VAX1: variants seen among roughly 807,000 people sequenced by gnomAD.
VAX1 encodes ventral anterior homeobox 1.
Under a neutral mutation model 17.6 loss-of-function variants are expected in VAX1, and 6 were observed. The ratio of observed to expected loss-of-function variants is 0.34; its 90% CI spans 0.19 to 0.67. VAX1 has a LOEUF of 0.67. Among genes scored for constraint, VAX1 ranks in the 30% least tolerant of loss-of-function variants. VAX1 has a pLI of 0.69. For missense variants in VAX1, 408 were observed against 463.7 expected (o/e 0.88, Z 1.10); for synonymous variants, 256 against 227.4 (o/e 1.13, Z -1.13).
At chr10:117,135,897 G>A in intron 2 of VAX1, among the ~76,000 whole-genome samples, 1 of 152,250 alleles carries the variant, frequency 6.6e-6, no homozygotes, top group East Asian at 1.9e-4. Context: ...TCAGGGCTGG[G>A]GCCAGCTCAG....
At chr10:117,133,213 G>A (rs755163333), downstream of VAX1, 25 of 916,172 alleles carry the variant, frequency 2.7e-5, no homozygotes, top group Non-Finnish European at 3.1e-5. Context: ...GCCCTGTGGG[G>A]CATTCTGTAT....
Position 117,136,418 on chromosome 10 carries a change from G to C in VAX1, c.429+54C>G. On this transcript the variant is annotated intron_variant, in intron 2 of 2. Transcript: ENST00000369206. The surrounding 1 kb of genome is among the most constrained non-coding windows in gnomAD (Gnocchi z 5.0). ...GGAGGTGAAGAGCAGGCTAGGTAGG[G>C]GTGGTGGGGAGGAAGGCTGGTGCAG... The C allele has an allele frequency of 1.2e-6, 2 of 1,603,084 alleles. No homozygotes were observed. The highest frequency in any genetic ancestry group is 3.4e-5 in the Admixed American group (2 of 59,632).
At chr10:117,132,231 C>T (rs1442958998), downstream of VAX1, 1 of 1,614,008 alleles carries the variant, frequency 6.2e-7, no homozygotes, top group Non-Finnish European at 8.5e-7. The surrounding 1 kb of genome is among the most constrained non-coding windows in gnomAD (Gnocchi z 4.9). Flanking sequence ...CCACCCTCTG[C>T]CCCCGGAGTC....
intron 2 of VAX1, among the ~76,000 whole-genome samples, chr10:117,135,080 T>C (rs1372617854): frequency 1.3e-5 from 2 of 152,166 alleles, no homozygotes; most frequent in Non-Finnish European, 2.9e-5. Context: ...CCAGCCTTTC[T>C]GGACCCAGGC....
chr10:117,130,817 C>T (rs1745225855), downstream of VAX1: 1 of 152,460 alleles, frequency 6.6e-6, no homozygotes, highest in Non-Finnish European at 1.5e-5. Flanking sequence ...CTTCCCAAAG[C>T]CAGGGAGGGA....
Position 117,136,563 on chromosome 10 carries a change from T to C in VAX1, c.338A>G (p.Tyr113Cys). 1 of 1,613,848 alleles carries C rather than the reference T, an allele frequency of 6.2e-7. No individual in the cohort carries two copies. Among genetic ancestry groups the C allele is most frequent in the Non-Finnish European group, 8.5e-7 (1 of 1,180,034 alleles). Reference sequence around the variant, plus strand: ...GCGCTGGAACTCCATCTCCAGCCGATAGAGCTGCTCCGCGGTGAAGGACGT... The same window carrying C: ...GCGCTGGAACTCCATCTCCAGCCGACAGAGCTGCTCCGCGGTGAAGGACGT... ...TRTSFTAEQL[Y>C]RLEMEFQRCQ... Residue 113 changes from tyrosine to cysteine, a missense_variant, in exon 2 of 3, where the codon TAT (tyrosine) becomes TGT (cysteine). Tyr to Cys is a radical substitution (Grantham distance 194, BLOSUM62 -2). This residue lies in a region of VAX1 where 75 missense variants were observed against 116.1 expected (regional missense o/e 0.65). Coordinates refer to ENST00000369206, the MANE Select transcript of VAX1 (RefSeq NM_001112704.2). This position sits in a 1 kb window ranked among gnomAD's most constrained non-coding sequence, Gnocchi z 5.0.
At chr10:117,132,273 T>C, downstream of VAX1, 1 of 1,613,986 alleles carries the variant, frequency 6.2e-7, no homozygotes. This position sits in a 1 kb window ranked among gnomAD's most constrained non-coding sequence, Gnocchi z 4.9. Flanking sequence ...TGCTGGCTCT[T>C]TCTTCCTTTT....
In VAX1 at chr10:117,134,663, C is replaced by T. The variant is rs1716276878; in HGVS notation, c.430-80G>A. 3.7e-6 allele frequency: 5 copies of T among 1,360,786 alleles called. No individual in the cohort carries two copies. Among genetic ancestry groups the T allele is most frequent in the Non-Finnish European group, 3.9e-6 (4 of 1,035,824 alleles). The allele number at this position is 1,360,786 out of a possible 1,614,324, so 84.3% of individuals were successfully genotyped here. A position where few individuals can be genotyped will look rare whatever the true frequency, so the allele number is the denominator to read the frequency against. On this transcript the variant is annotated intron_variant, in intron 2 of 2. Coordinates refer to ENST00000369206, the MANE Select transcript of VAX1 (RefSeq NM_001112704.2). This position sits in a 1 kb window ranked among gnomAD's most constrained non-coding sequence, Gnocchi z 6.2. ...AAAGGAAGCGAGCTCCCGGGGCGCG[C>T]GGCTCCGGGGCTCTCCCCAAGTCCC...
rs947924165 is a variant in VAX1 at position 117,136,761 on chromosome 10, TG to T, written c.242-103del. 3.5e-6 allele frequency: 5 copies of T among 1,413,840 alleles called. No homozygotes were observed. The highest frequency in any genetic ancestry group is 1.4e-5 in the South Asian group (1 of 69,402). The allele number at this position is 1,413,840 out of a possible 1,614,324, so 87.6% of individuals were successfully genotyped here. A position where few individuals can be genotyped will look rare whatever the true frequency, so the allele number is the denominator to read the frequency against. On this transcript the variant is annotated intron_variant, in intron 1 of 2. Coordinates refer to ENST00000369206, the MANE Select transcript of VAX1 (RefSeq NM_001112704.2). The surrounding 1 kb of genome is among the most constrained non-coding windows in gnomAD (Gnocchi z 5.0). ...CACAGTCCCCAGAAGCGTGCAGTTT[TG>T]GGGATGGGGGGCGGGGTGCGGAGCG...
chr10:117,136,478 C>T lies in VAX1; in HGVS notation c.423G>A (p.Glu141=). The part of the protein sequence containing the change: ...TELARQLNLS[E]TQVKVWFQNR... Reference sequence around the variant, plus strand: ...CGGCCTGGTCGCCGGGTACCTGGGTCTCGGAGAGGTTAAGCTGCCGGGCGA... The same window carrying T: ...CGGCCTGGTCGCCGGGTACCTGGGTTTCGGAGAGGTTAAGCTGCCGGGCGA... Residue 141 remains glutamate (E), a synonymous_variant, in exon 2 of 3, where the codon GAG becomes GAA. Coordinates refer to ENST00000369206, the MANE Select transcript of VAX1 (RefSeq NM_001112704.2). The surrounding 1 kb of genome is among the most constrained non-coding windows in gnomAD (Gnocchi z 5.0). 1 of 1,613,140 alleles carries T rather than the reference C, an allele frequency of 6.2e-7. No individual in the cohort carries two copies. Among genetic ancestry groups the T allele is most frequent in the South Asian group, 1.1e-5 (1 of 91,034 alleles).
rs1854127214 is a variant in VAX1, at chr10:117,133,931, G to A, written c.*77C>T. ...GCCAGGAGCCCAGCGCAGGAGCTCT[G>A]GGCACCTAATGCGCGTGAGTCCATA... On this transcript the variant is annotated 3_prime_UTR_variant, in exon 3 of 3. Transcript: ENST00000369206. 1.4e-6 allele frequency: 2 copies of A among 1,441,522 alleles called. No homozygotes were observed. Among genetic ancestry groups the A allele is most frequent in the Non-Finnish European group, 1.8e-6 (2 of 1,104,750 alleles). The allele number at this position is 1,441,522 out of a possible 1,614,324, so 89.3% of individuals were successfully genotyped here.
chr10:117,134,683 A>T lies in VAX1; in HGVS notation c.430-100T>A. 8.0e-7 allele frequency: 1 copy of T among 1,244,462 alleles called. No individual in the cohort carries two copies. Among genetic ancestry groups the T allele is most frequent in the Non-Finnish European group, 1.1e-6 (1 of 941,270 alleles). The allele number at this position is 1,244,462 out of a possible 1,614,324, so 77.1% of individuals were successfully genotyped here. On this transcript the variant is annotated intron_variant, in intron 2 of 2. Coordinates refer to ENST00000369206, the MANE Select transcript of VAX1 (RefSeq NM_001112704.2). The surrounding 1 kb of genome is among the most constrained non-coding windows in gnomAD (Gnocchi z 6.2). ...GCGCGCGGCTCCGGGGCTCTCCCCA[A>T]GTCCCAGCCCTATCCGCAGCCCCAC...
In VAX1 at chr10:117,138,243, G is replaced by T; in HGVS notation, c.-187C>A. 1 of 735,652 alleles carries T rather than the reference G, an allele frequency of 1.4e-6. No individual in the cohort carries two copies. The highest frequency in any genetic ancestry group is 1.9e-5 in the South Asian group (1 of 53,626). The allele number at this position is 735,652 out of a possible 1,614,324, so 45.6% of individuals were successfully genotyped here. A position where few individuals can be genotyped will look rare whatever the true frequency, so the allele number is the denominator to read the frequency against. On this transcript the variant is annotated 5_prime_UTR_variant, in exon 1 of 3. Transcript: ENST00000369206. Reference sequence around the variant, plus strand: ...TCCCCGCGGGGAGGCTTCGGCGGCCGCGCGCGGGTCAGCGGCGACGGGAGA... The same window carrying T: ...TCCCCGCGGGGAGGCTTCGGCGGCCTCGCGCGGGTCAGCGGCGACGGGAGA...
At chr10:117,131,873 T>C (rs907363439), downstream of VAX1, 1 of 291,062 alleles carries the variant, frequency 3.4e-6, no homozygotes, top group African/African-American at 2.2e-5. Context: ...CAGAAGAAAA[T>C]AAAACCTTGC....
chr10:117,132,190 C>G (rs201821014), downstream of VAX1: 3 of 1,602,276 alleles, frequency 1.9e-6, no homozygotes, highest in Non-Finnish European at 2.5e-6. This position sits in a 1 kb window ranked among gnomAD's most constrained non-coding sequence, Gnocchi z 4.9. Context: ...GCTCACGGTA[C>G]CAGTCGCAGG....
In VAX1 at chr10:117,138,091, A is replaced by G. The variant is rs767525001; in HGVS notation, c.-35T>C. 1.4e-6 allele frequency: 1 copy of G among 694,018 alleles called. No individual in the cohort carries two copies. The highest frequency in any genetic ancestry group is 2.1e-6 in the Non-Finnish European group (1 of 483,842). 43.0% of individuals were successfully genotyped at this position (694,018 alleles called of 1,614,324 possible). A position where few individuals can be genotyped will look rare whatever the true frequency, so the allele number is the denominator to read the frequency against. On this transcript the variant is annotated 5_prime_UTR_variant, in exon 1 of 3. Transcript: ENST00000369206. ...CAACAACAAAAACAGAAAGGAAAAAAAAAGCAAAAAAAAAAAAAAGGGGGG... is the reference window on the plus strand; with the variant it reads ...CAACAACAAAAACAGAAAGGAAAAAGAAAGCAAAAAAAAAAAAAAGGGGGG...
At chr10:117,132,611 C>CGCAGTCTG (rs1395264261), downstream of VAX1, 1 of 1,042,224 alleles carries the variant, frequency 9.6e-7, no homozygotes, top group Non-Finnish European at 1.4e-6. This position sits in a 1 kb window ranked among gnomAD's most constrained non-coding sequence, Gnocchi z 4.9. Flanking sequence ...TGCGGCACCT[C>CGCAGTCTG]GCAGTCTGGG....
chr10:117,128,953 C>G (rs181749148), downstream of VAX1: 10 of 152,346 alleles, frequency 6.6e-5, no homozygotes, highest in Admixed American at 4.6e-4. Flanking sequence ...AAGTAGATCT[C>G]TCTTTTCTCT....
intron 2 of VAX1, among the ~76,000 whole-genome samples, chr10:117,135,412 C>T (rs137949002): frequency 1.3e-3 from 195 of 152,274 alleles, no homozygotes; most frequent in African/African-American, 4.5e-3. Flanking sequence ...ATTCTTCTGC[C>T]CCTCTGCAGG....
Sources: gnomAD v4.1 joint callset for allele counts (sites outside exome capture counted in the v4.1 genomes callset) on GRCh38, gnomAD v4.1.1 for gene constraint, gnomAD v4.1.1 regional missense constraint, Gnocchi (gnomAD v3.1) non-coding constraint, MANE v1.5 for transcripts, NCBI Gene and HGNC (gene_info 2026-07-23, HGNC 2026-07-21) for gene names.